The following ELK3 variants were observed in gnomAD, a reference collection of about 807,000 sequenced individuals.
The protein encoded by ELK3 is ETS domain-containing protein Elk-3.
Under a neutral mutation model 28.9 loss-of-function variants are expected in ELK3, and 10 were observed. The observed-to-expected ratio is 0.35, with a 90% CI of 0.21 to 0.59. The LOEUF (loss-of-function observed/expected upper bound fraction) is 0.59. Among genes scored for constraint, ELK3 ranks in the 20% least tolerant of loss-of-function variants. The pLI is 0.82. For synonymous variants in ELK3, 272 were observed against 243.5 expected, an observed-to-expected ratio of 1.12 and a Z score of -1.09; for missense variants, 463 against 517.3, an observed-to-expected ratio of 0.90 and a Z score of 1.02.
intron 2 of ELK3, among the ~76,000 whole-genome samples, chr12:96,242,328 A>C (rs574486230): frequency 6.6e-5 from 10 of 152,292 alleles, no homozygotes; most frequent in African/African-American, 2.4e-4. Context: ...TGTATAATTT[A>C]TACTTTCCGA....
chr12:96,213,364 T>A (rs1243672095), intron 1 of ELK3, among the ~76,000 whole-genome samples: 1 of 152,154 alleles, frequency 6.6e-6, no homozygotes, highest in African/African-American at 2.4e-5. Context: ...CTGTTAGGGA[T>A]CAAGAGGTAC....
intron 1 of ELK3, among the ~76,000 whole-genome samples, chr12:96,217,653 C>T (rs1204067304): frequency 6.6e-6 from 1 of 152,040 alleles, no homozygotes; most frequent in Admixed American, 6.6e-5. Flanking sequence ...ACCAATTCCT[C>T]AGCTGGGCAC....
chr12:96,241,265 A>G (rs1416228137), intron 2 of ELK3, among the ~76,000 whole-genome samples: 1 of 152,184 alleles, frequency 6.6e-6, no homozygotes, highest in Non-Finnish European at 1.5e-5. Flanking sequence ...TCCTAATAAC[A>G]TCATCAAGAA....
chr12:96,252,080 C>CT (rs1329450285), intron 3 of ELK3, among the ~76,000 whole-genome samples: 7 of 152,346 alleles, frequency 4.6e-5, no homozygotes, highest in Admixed American at 1.3e-4. Flanking sequence ...CAGCTTGTGA[C>CT]TTTAAGTTGA....
chr12:96,236,120 C>T (rs772971084), intron 2 of ELK3, among the ~76,000 whole-genome samples: 2 of 152,184 alleles, frequency 1.3e-5, no homozygotes, highest in East Asian at 1.9e-4. Context: ...GCCACCACCC[C>T]GCCTGAGCAG....
intron 1 of ELK3, among the ~76,000 whole-genome samples, chr12:96,220,687 C>T (rs1385805649): frequency 1.3e-5 from 2 of 152,026 alleles, no homozygotes; most frequent in Non-Finnish European, 2.9e-5. Flanking sequence ...CCACCACAGC[C>T]GGCCTTTCTC....
intron 2 of ELK3, among the ~76,000 whole-genome samples, chr12:96,226,936 C>G (rs1230441621): frequency 6.6e-6 from 1 of 152,210 alleles, no homozygotes; most frequent in Non-Finnish European, 1.5e-5. Flanking sequence ...AAACTACACT[C>G]TATTTGACAT....
At chr12:96,229,846 T>G (rs937443922) in intron 2 of ELK3, among the ~76,000 whole-genome samples, 1 of 152,098 alleles carries the variant, frequency 6.6e-6, no homozygotes, top group African/African-American at 2.4e-5. Context: ...CCTCTTCTTA[T>G]GAGGATACCG....
chr12:96,204,892 C>T (rs974721322), intron 1 of ELK3, among the ~76,000 whole-genome samples: 1 of 152,248 alleles, frequency 6.6e-6, no homozygotes, highest in African/African-American at 2.4e-5. Context: ...GTTTGGAAGG[C>T]TCGCCTTTAG....
At chr12:96,237,335 C>A (rs1246011334) in intron 2 of ELK3, among the ~76,000 whole-genome samples, 1 of 152,092 alleles carries the variant, frequency 6.6e-6, no homozygotes, top group Non-Finnish European at 1.5e-5. Flanking sequence ...CTTTGGGAGG[C>A]CGAGGTGAGA....
chr12:96,210,573 A>ACACACAC (rs1223432416), intron 1 of ELK3, among the ~76,000 whole-genome samples: 1 of 150,518 alleles, frequency 6.6e-6, no homozygotes, highest in East Asian at 1.9e-4. Flanking sequence ...ACGCACACAC[A>ACACACAC]CACACACACA....
chr12:96,251,077 G>A (rs1198066349), intron 3 of ELK3, among the ~76,000 whole-genome samples: 1 of 152,164 alleles, frequency 6.6e-6, no homozygotes, highest in African/African-American at 2.4e-5. Context: ...AGCAAGTCTT[G>A]TCAGCGCCAG....
At chr12:96,243,436 TAGA>T (rs1951834808) in intron 2 of ELK3, among the ~76,000 whole-genome samples, 1 of 152,196 alleles carries the variant, frequency 6.6e-6, no homozygotes, top group Non-Finnish European at 1.5e-5. Flanking sequence ...AATCATAGAA[TAGA>T]ATATTCTATT....
chr12:96,237,884 G>A (rs1178101191), intron 2 of ELK3, among the ~76,000 whole-genome samples: 3 of 152,250 alleles, frequency 2.0e-5, no homozygotes, highest in Admixed American at 1.3e-4. Context: ...AGGACACTTC[G>A]GGTTTCATGT....
At chr12:96,202,249 G>A (rs1951512064) in intron 1 of ELK3, among the ~76,000 whole-genome samples, 1 of 152,118 alleles carries the variant, frequency 6.6e-6, no homozygotes, top group Admixed American at 6.5e-5. Flanking sequence ...CCTAACTCAA[G>A]CTGCAAGATG....
intron 4 of ELK3, among the ~76,000 whole-genome samples, chr12:96,264,950 C>CA (rs1952019249): frequency 6.6e-6 from 1 of 152,126 alleles, no homozygotes; most frequent in East Asian, 1.9e-4. Flanking sequence ...CTAGTTTATT[C>CA]AAGATAACAC....
At chr12:96,242,393 G>A (rs1311865977) in intron 2 of ELK3, among the ~76,000 whole-genome samples, 1 of 152,198 alleles carries the variant, frequency 6.6e-6, no homozygotes, top group Non-Finnish European at 1.5e-5. Flanking sequence ...TTCTCTAAGA[G>A]GATTGAGTGA....
intron 1 of ELK3, among the ~76,000 whole-genome samples, chr12:96,208,682 A>G (rs143756975): frequency 5.9e-5 from 9 of 152,334 alleles, no homozygotes; most frequent in Non-Finnish European, 1.2e-4. Context: ...CAAGGAGCCT[A>G]TGAGATGCAC....
At chr12:96,264,115 T>C (rs968911254) in intron 4 of ELK3, among the ~76,000 whole-genome samples, 4 of 152,198 alleles carry the variant, frequency 2.6e-5, no homozygotes, top group Non-Finnish European at 4.4e-5. Flanking sequence ...TAGCTGGGAC[T>C]ACAACTACAG....
Sources: allele counts gnomAD v4.1 joint callset (sites outside exome capture counted in the v4.1 genomes callset), GRCh38; gene constraint gnomAD v4.1.1; transcripts MANE v1.5; gene names NCBI Gene and HGNC (gene_info 2026-07-23, HGNC 2026-07-21).